The following MIPOL1 variants were observed in gnomAD, a reference collection of about 807,000 sequenced individuals.
MIPOL1 encodes the protein mirror-image polydactyly 1, also known as mirror-image polydactyly gene 1 protein.
MIPOL1 carries 57 observed loss-of-function variants against 60.9 expected under a neutral mutation model. The ratio of observed to expected loss-of-function variants is 0.94; its 90% CI spans 0.76 to 1.17. The LOEUF is 1.17. Among genes scored for constraint, MIPOL1 ranks in the 50% most tolerant of loss-of-function variants. The probability of loss-of-function intolerance (pLI) is 0.00; values close to 1 mark genes in which losing one functional copy is unlikely to be tolerated. For missense variants in MIPOL1, 551 were observed against 511.6 expected (o/e 1.08, Z -0.74); for synonymous variants, 179 against 168.8 (o/e 1.06, Z -0.47).
At chr14:37,212,576 G>A (rs1041109679) in intron 1 of MIPOL1, among the ~76,000 whole-genome samples, 3 of 152,066 alleles carry the variant, frequency 2.0e-5, no homozygotes, top group African/African-American at 7.2e-5. Flanking sequence ...TAGACTTGCC[G>A]CATTTTTTAC....
chr14:37,448,358 A>G (rs2153572492), intron 11 of MIPOL1, among the ~76,000 whole-genome samples: 2 of 152,362 alleles, frequency 1.3e-5, no homozygotes, highest in African/African-American at 4.8e-5. Context: ...CATGTCCTGT[A>G]CATGCTACTT....
chr14:37,337,133 G>C (rs2090187957), intron 9 of MIPOL1, among the ~76,000 whole-genome samples: 1 of 151,098 alleles, frequency 6.6e-6, no homozygotes, highest in African/African-American at 2.4e-5. Flanking sequence ...TTCTTAAATG[G>C]TTTCTAGAAT....
intron 7 of MIPOL1, among the ~76,000 whole-genome samples, chr14:37,304,509 G>A (rs951963828): frequency 6.6e-6 from 1 of 151,624 alleles, no homozygotes; most frequent in African/African-American, 2.4e-5. Flanking sequence ...GTTAAGTGTG[G>A]TGGTGTGTAG....
At chr14:37,351,864 G>A (rs995170422) in intron 9 of MIPOL1, among the ~76,000 whole-genome samples, 3 of 150,874 alleles carry the variant, frequency 2.0e-5, no homozygotes, top group Non-Finnish European at 3.0e-5. Context: ...TAGGTTGCCT[G>A]TTCACTCTGA....
intron 6 of MIPOL1, chr14:37,277,128 A>G (rs956584389): frequency 7.3e-5 from 11 of 151,430 alleles, no homozygotes; most frequent in African/African-American, 1.7e-4. Flanking sequence ...TTAACATACA[A>G]TGGACTTTAG....
chr14:37,416,270 T>C (rs966905058), intron 10 of MIPOL1, among the ~76,000 whole-genome samples: 6 of 152,236 alleles, frequency 3.9e-5, no homozygotes, highest in Non-Finnish European at 7.3e-5. Flanking sequence ...ATTGAAATCC[T>C]ATGACATACA....
chr14:37,537,870 C>T (rs2095513322), intron 12 of MIPOL1, among the ~76,000 whole-genome samples: 2 of 152,194 alleles, frequency 1.3e-5, no homozygotes, highest in African/African-American at 4.8e-5. Flanking sequence ...AAGAAATGGT[C>T]TGCAAACACA....
chr14:37,317,351 T>C (rs2088023175), intron 9 of MIPOL1, among the ~76,000 whole-genome samples: 1 of 152,206 alleles, frequency 6.6e-6, no homozygotes, highest in South Asian at 2.1e-4. Context: ...CAGAGCTGAA[T>C]GCACATTTAA....
chr14:37,323,489 GTAGTT>G (rs979024634), intron 9 of MIPOL1, among the ~76,000 whole-genome samples: 1 of 151,806 alleles, frequency 6.6e-6, no homozygotes, highest in Non-Finnish European at 1.5e-5. Flanking sequence ...GAAATTTTAA[GTAGTT>G]AAGTGTATTA....
At chr14:37,535,756 G>A (rs1468721459) in intron 12 of MIPOL1, among the ~76,000 whole-genome samples, 1 of 152,140 alleles carries the variant, frequency 6.6e-6, no homozygotes, top group African/African-American at 2.4e-5. Flanking sequence ...AATTACCTAA[G>A]AAATATGCAT....
intron 7 of MIPOL1, among the ~76,000 whole-genome samples, chr14:37,287,407 C>T (rs1264185956): frequency 6.6e-6 from 1 of 151,914 alleles, no homozygotes; most frequent in Non-Finnish European, 1.5e-5. Context: ...CACATGCCAC[C>T]ATGCTTGGCT....
intron 6 of MIPOL1, among the ~76,000 whole-genome samples, chr14:37,280,956 T>G (rs1464656704): frequency 2.0e-5 from 3 of 152,226 alleles, no homozygotes; most frequent in African/African-American, 4.8e-5. Context: ...TATTTTCTCC[T>G]ACACTGTAGG....
At chr14:37,269,276 C>G (rs563726296) in intron 5 of MIPOL1, among the ~76,000 whole-genome samples, 1 of 152,150 alleles carries the variant, frequency 6.6e-6, no homozygotes, top group African/African-American at 2.4e-5. Context: ...GCATTTTGTC[C>G]AGTCCAATTT....
At chr14:37,444,524 A>T (rs1438468527) in intron 11 of MIPOL1, among the ~76,000 whole-genome samples, 1 of 152,246 alleles carries the variant, frequency 6.6e-6, no homozygotes, top group Admixed American at 6.5e-5. Context: ...TTGACAAGGT[A>T]ATTCTAAAAT....
rs549249280 is a variant in MIPOL1, at chr14:37,379,375, A to G, written c.936+9751A>G. ...CTATAAAACTCCTAGAAGAAAAAAC[A>G]TAACTGCAAATTTTTGCGTCCTTCA... is the stretch of plus-strand genomic sequence containing the variant. On this transcript the variant is annotated intron_variant, in intron 10 of 12. Transcript: ENST00000684589. Among the ~76,000 whole-genome samples, 5 of 152,228 alleles carry G rather than the reference A, an allele frequency of 3.3e-5. No individual in the cohort carries two copies. In the South Asian group the frequency reaches 6.2e-4, roughly 19 times the overall value.
chr14:37,476,792 G>A (rs958660494), intron 11 of MIPOL1, among the ~76,000 whole-genome samples: 11 of 150,708 alleles, frequency 7.3e-5, no homozygotes, highest in African/African-American at 2.4e-4. Flanking sequence ...TGGTCTTAGT[G>A]TGTAATTCCT....
chr14:37,524,286 G>A (rs867426382), intron 12 of MIPOL1, among the ~76,000 whole-genome samples: 16 of 152,128 alleles, frequency 1.1e-4, no homozygotes, highest in African/African-American at 3.9e-4. Context: ...TGATAACTTG[G>A]ATGTGGGGTG....
chr14:37,270,359 A>T (rs1167906751), intron 5 of MIPOL1, 61 bp from the exon 6 acceptor site: 1 of 841,616 alleles, frequency 1.2e-6, no homozygotes, highest in African/African-American at 1.8e-5. Context: ...TTTGAAATTA[A>T]TTATATTTTT....
chr14:37,327,080 G>A (rs920243573), intron 9 of MIPOL1, among the ~76,000 whole-genome samples: 1 of 152,118 alleles, frequency 6.6e-6, no homozygotes, highest in Admixed American at 6.6e-5. Context: ...GCTGTATTTA[G>A]AAGTGAAGAG....
Sources: gnomAD v4.1 joint callset for allele counts (sites outside exome capture counted in the v4.1 genomes callset) on GRCh38, gnomAD v4.1.1 for gene constraint, MANE v1.5 for transcripts, NCBI Gene and HGNC (gene_info 2026-07-23, HGNC 2026-07-21) for gene names.